ALKBH4: variants seen among roughly 807,000 people sequenced by gnomAD.
The protein encoded by ALKBH4 is alpha-ketoglutarate-dependent dioxygenase alkB homolog 4.
In ALKBH4, 8 loss-of-function variants were observed where a neutral mutation model predicts 12.1. That is an observed-to-expected ratio of 0.66 (90% CI 0.39 to 1.19). The LOEUF is 1.19. Ranked by LOEUF, ALKBH4 falls within the 50% of genes most tolerant of loss-of-function variation. ALKBH4 has a pLI of 0.01. For synonymous variants in ALKBH4, 195 were observed against 191.6 expected, an observed-to-expected ratio of 1.02 and a Z score of -0.15; for missense variants, 403 against 430.4, an observed-to-expected ratio of 0.94 and a Z score of 0.56.
chr7:102,464,043 C>CG, intron 1 of ALKBH4, among the ~76,000 whole-genome samples: 1 of 151,998 alleles, frequency 6.6e-6, no homozygotes, highest in East Asian at 1.9e-4. Flanking sequence ...AGACCTCCCC[C>CG]CCCCCACAAC....
intron 1 of ALKBH4, among the ~76,000 whole-genome samples, chr7:102,464,431 C>A (rs1797885639): frequency 6.6e-6 from 1 of 152,174 alleles, no homozygotes. Context: ...TCCCTGCAGG[C>A]CCGTGAAGCT....
At chr7:102,461,908 C>G (rs576316183) in intron 1 of ALKBH4, among the ~76,000 whole-genome samples, 1 of 152,144 alleles carries the variant, frequency 6.6e-6, no homozygotes, top group Non-Finnish European at 1.5e-5. Flanking sequence ...CATCTCCAGG[C>G]TCCTCACACC....
In ALKBH4 at chr7:102,456,595, TCA is replaced by T. The variant is rs1314716690; in HGVS notation, c.*797_*798del. 1.3e-5 allele frequency: 2 copies of T among 152,140 alleles called. No individual in the cohort carries two copies. The highest frequency in any genetic ancestry group is 6.6e-5 in the Admixed American group (1 of 15,260). 9.4% of individuals were successfully genotyped at this position (152,140 alleles called of 1,614,324 possible). A position where few individuals can be genotyped will look rare whatever the true frequency, so the allele number is the denominator to read the frequency against. On this transcript the variant is annotated 3_prime_UTR_variant, in exon 3 of 3. Coordinates refer to ENST00000292566, the MANE Select transcript of ALKBH4 (RefSeq NM_017621.4). Reference sequence around the variant, plus strand: ...GCGTTATGGGGCTGGAAGGAGGCTCTCAGATTTCCCTGCCCTCCTCACATCCC... The same window carrying T: ...GCGTTATGGGGCTGGAAGGAGGCTCTGATTTCCCTGCCCTCCTCACATCCC...
chr7:102,457,697 G>A lies in ALKBH4; in HGVS notation c.606C>T (p.Leu202=), dbSNP rs1327014486. ...GGGCAGCCGACGGGGCCGAGCAGAG[G>A]AGCAGGCTCCCGGGCGCCTCCCGAC... The part of the protein sequence containing the change: ...SMCREAPGSL[L]LCSAPSAAPE... The change falls in exon 3 of 3, where the codon CTC becomes CTT. Residue 202 remains leucine (L), a synonymous_variant. Coordinates refer to ENST00000292566, the MANE Select transcript of ALKBH4 (RefSeq NM_017621.4). The surrounding 1 kb of genome is among the most constrained non-coding windows in gnomAD (Gnocchi z 5.9). The A allele has an allele frequency of 3.9e-6, 6 of 1,556,706 alleles. No individual in the cohort carries two copies. The highest frequency in any genetic ancestry group is 5.2e-6 in the Non-Finnish European group (6 of 1,155,484).
chr7:102,456,251 CTTT>C lies in ALKBH4; in HGVS notation c.*1140_*1142del, dbSNP rs1227253608. 1.3e-5 allele frequency: 2 copies of C among 153,004 alleles called. No individual in the cohort carries two copies. The highest frequency in any genetic ancestry group is 2.9e-5 in the Non-Finnish European group (2 of 67,936). 9.5% of individuals were successfully genotyped at this position (153,004 alleles called of 1,614,324 possible). ...GAGGTGAGGAGCTTTTTTTGTTTTC[CTTT>C]TATTTATTTTAGGGACAGGGTCTTG... On this transcript the variant is annotated 3_prime_UTR_variant, in exon 3 of 3. Transcript: ENST00000292566.
At chr7:102,458,739 A>G (rs1248709290) in intron 2 of ALKBH4, among the ~76,000 whole-genome samples, 1 of 151,210 alleles carries the variant, frequency 6.6e-6, no homozygotes, top group Non-Finnish European at 1.5e-5. Context: ...CCTGTCTCAA[A>G]AAAAAAAAAA....
intron 1 of ALKBH4, among the ~76,000 whole-genome samples, chr7:102,462,446 C>T (rs1477896302): frequency 6.6e-6 from 1 of 152,114 alleles, no homozygotes; most frequent in Non-Finnish European, 1.5e-5. Context: ...CAGCTCACTG[C>T]AGCCTTGACC....
chr7:102,457,763 C>T lies in ALKBH4; in HGVS notation c.540G>A (p.Leu180=). The T allele has an allele frequency of 1.3e-6, 2 of 1,590,886 alleles. No homozygotes were observed. The highest frequency in any genetic ancestry group is 2.7e-5 in the African/African-American group (2 of 74,736). ...TGGGGGACAGGAGGTTGAGGCTGAC[C>T]AGCCGCTCCCCCCACAGCCAGGCGT... is the stretch of plus-strand genomic sequence containing the variant. ...LDDAWLWGER[L]VSLNLLSPTV... The change falls in exon 3 of 3, where the codon CTG becomes CTA. Residue 180 remains leucine, a synonymous_variant. Coordinates refer to ENST00000292566, the MANE Select transcript of ALKBH4 (RefSeq NM_017621.4). This position sits in a 1 kb window ranked among gnomAD's most constrained non-coding sequence, Gnocchi z 5.9.
chr7:102,459,311 G>T, intron 2 of ALKBH4: 1 of 322,252 alleles, frequency 3.1e-6, no homozygotes, highest in Non-Finnish European at 5.7e-6. Context: ...AGGTGGGGGC[G>T]CCTGCAGCTT....
In ALKBH4 at chr7:102,464,770, A is replaced by G. The variant is rs759442909; in HGVS notation, c.67T>C (p.Cys23Arg). Residue 23 changes from cysteine (C) to arginine (R), a missense_variant, in exon 1 of 3, where the codon TGT becomes CGT. Cys to Arg is a radical substitution (Grantham distance 180). Coordinates refer to ENST00000292566, the MANE Select transcript of ALKBH4 (RefSeq NM_017621.4). ...CCGCGCTGCCGCTCGCAGATCAGAC[A>G]GGTCCGGATGCCCTTGCAACCGCAT... ...RECGCKGIRT[C>R]LICERQRGSD... 4.2e-5 allele frequency: 66 copies of G among 1,573,232 alleles called. No individual in the cohort carries two copies. The highest frequency in any genetic ancestry group is 5.6e-5 in the Non-Finnish European group (65 of 1,163,444).
At position 102,464,837 on chromosome 7, in the gene ALKBH4, C is replaced by G. The variant is rs1310737979; in HGVS notation, c.-1G>C. 1 of 1,510,028 alleles carries G rather than the reference C, an allele frequency of 6.6e-7. No individual in the cohort carries two copies. Among genetic ancestry groups the G allele is most frequent in the East Asian group, 2.8e-5 (1 of 35,804 alleles). The allele number at this position is 1,510,028 out of a possible 1,614,324, so 93.5% of individuals were successfully genotyped here. On this transcript the variant is annotated 5_prime_UTR_variant, in exon 1 of 3. Transcript: ENST00000292566. The stretch of plus-strand genomic sequence containing the variant: ...GGGTCTCGGCGGCAGCCGCCGCCAT[C>G]GCGCCGTCCGCGTGGCCAGTGCGCA...
At chr7:102,462,213 C>T (rs1162931336) in intron 1 of ALKBH4, among the ~76,000 whole-genome samples, 1 of 152,094 alleles carries the variant, frequency 6.6e-6, no homozygotes, top group Admixed American at 6.6e-5. Context: ...GGGGGAGGGG[C>T]AGATATGAAG....
chr7:102,462,718 C>T (rs1797822967), intron 1 of ALKBH4, among the ~76,000 whole-genome samples: 1 of 152,088 alleles, frequency 6.6e-6, no homozygotes, highest in Non-Finnish European at 1.5e-5. Flanking sequence ...GTACAGCCGT[C>T]ACCACCATTC....
At position 102,457,664 on chromosome 7, in the gene ALKBH4, G is replaced by A. The variant is rs749873047; in HGVS notation, c.639C>T (p.Ala213=). The change falls in exon 3 of 3, where the codon GCC becomes GCT. Residue 213 remains alanine, a synonymous_variant. Transcript: ENST00000292566. This position sits in a 1 kb window ranked among gnomAD's most constrained non-coding sequence, Gnocchi z 5.9. ...LCSAPSAAPE[A]LVDSVIAPSR... ...TGGGTGCTATCACGCTGTCCACCAA[G>A]GCCTCCGGGGCAGCCGACGGGGCCG... 3.8e-6 allele frequency: 6 copies of A among 1,563,270 alleles called. No individual in the cohort carries two copies. Among genetic ancestry groups the A allele is most frequent in the Admixed American group, 3.7e-5 (2 of 53,920 alleles).
chr7:102,459,541 C>T, intron 2 of ALKBH4, 63 bp downstream of exon 2: 1 of 1,532,210 alleles, frequency 6.5e-7, no homozygotes, highest in Non-Finnish European at 8.8e-7. Flanking sequence ...GGGATGGCCC[C>T]CAGCAGTAGG....
Position 102,457,832 on chromosome 7 carries a change from G to A in ALKBH4, c.471C>T (p.Asp157=). The change falls in exon 3 of 3, where the codon GAC becomes GAT. Residue 157 remains aspartate (D), a synonymous_variant. Coordinates refer to ENST00000292566, the MANE Select transcript of ALKBH4 (RefSeq NM_017621.4). This position sits in a 1 kb window ranked among gnomAD's most constrained non-coding sequence, Gnocchi z 5.9. ...GFRPVEQCNL[D]YCPERGSAID... Reference sequence around the variant, plus strand: ...TGGCAGAGCCCCGCTCGGGGCAGTAGTCCAGGTTGCACTGCTCGACGGGCC... The same window carrying A: ...TGGCAGAGCCCCGCTCGGGGCAGTAATCCAGGTTGCACTGCTCGACGGGCC... The A allele has an allele frequency of 6.2e-7, 1 of 1,610,856 alleles. No homozygotes were observed. The highest frequency in any genetic ancestry group is 8.5e-7 in the Non-Finnish European group (1 of 1,179,866).
At chr7:102,460,097 T>C (rs1386989756) in intron 1 of ALKBH4, among the ~76,000 whole-genome samples, 1 of 149,488 alleles carries the variant, frequency 6.7e-6, no homozygotes, top group African/African-American at 2.5e-5. Context: ...GAGGTTGCAG[T>C]GAGCCAAGAT....
rs1368509168 is a variant in ALKBH4, at chr7:102,459,724, G to A, written c.201C>T (p.Ala67=). The change falls in exon 2 of 3, where the codon GCC becomes GCT. Residue 67 remains alanine, a synonymous_variant. Transcript: ENST00000292566. ...TCAGCATCACTCCTGGGAAGGGGAA[G>A]GCCCAGCCCTCAAAGTCAGACTCCT... is the stretch of plus-strand genomic sequence containing the variant. ...GTEESDFEGW[A]FPFPGVMLIE... 1 of 1,614,138 alleles carries A rather than the reference G, an allele frequency of 6.2e-7. No homozygotes were observed. The highest frequency in any genetic ancestry group is 8.5e-7 in the Non-Finnish European group (1 of 1,179,998).
At chr7:102,463,320 CTCTTTTTT>C (rs1285481180) in intron 1 of ALKBH4, among the ~76,000 whole-genome samples, 28 of 92,760 alleles carry the variant, frequency 3.0e-4, no homozygotes, top group Non-Finnish European at 5.6e-4. Flanking sequence ...ATCAAGTCAT[CTCTTTTTT>C]TTTTTTTTTT....
Sources: gnomAD v4.1 joint callset for allele counts (sites outside exome capture counted in the v4.1 genomes callset) on GRCh38, gnomAD v4.1.1 for gene constraint, Gnocchi (gnomAD v3.1) non-coding constraint, MANE v1.5 for transcripts, NCBI Gene and HGNC (gene_info 2026-07-23, HGNC 2026-07-21) for gene names.